Variants in RBFOX1 observed in about 807,000 individuals in gnomAD.
The protein encoded by RBFOX1 is RNA binding protein fox-1 homolog 1.
RBFOX1 carries 8 observed loss-of-function variants against 57.7 expected under a neutral mutation model. The ratio of observed to expected loss-of-function variants is 0.14; its 90% CI spans 0.08 to 0.25. The LOEUF is 0.25. RBFOX1 is among the 10% of genes least tolerant of loss of function. The probability of loss-of-function intolerance (pLI) is 1.00; values close to 1 mark genes in which losing one functional copy is unlikely to be tolerated. For synonymous variants in RBFOX1, 326 were observed against 222.4 expected, an observed-to-expected ratio of 1.47 and a Z score of -4.15; for missense variants, 611 against 548.5, an observed-to-expected ratio of 1.11 and a Z score of -1.14.
At chr16:5,370,643 C>T (rs979637083) in intron 1 of RBFOX1, among the ~76,000 whole-genome samples, 3 of 152,040 alleles carry the variant, frequency 2.0e-5, no homozygotes, top group Non-Finnish European at 2.9e-5. Context: ...CAGGCACGTG[C>T]TACCACACTC....
chr16:5,321,583 C>T (rs915266169), intron 1 of RBFOX1, among the ~76,000 whole-genome samples: 1 of 152,106 alleles, frequency 6.6e-6, no homozygotes, highest in South Asian at 2.1e-4. Context: ...GCGCAAAGTG[C>T]TGGGATTACA....
chr16:6,857,038 C>T (rs987983388), intron 3 of RBFOX1, among the ~76,000 whole-genome samples: 3 of 152,112 alleles, frequency 2.0e-5, no homozygotes, highest in African/African-American at 4.8e-5. Context: ...TACTGCAAAT[C>T]GTGTTCAACC....
At chr16:7,313,125 C>T (rs1232694865) in intron 4 of RBFOX1, among the ~76,000 whole-genome samples, 1 of 152,194 alleles carries the variant, frequency 6.6e-6, no homozygotes, top group Non-Finnish European at 1.5e-5. Context: ...CGGGCCACTC[C>T]TGGAATTTCT....
chr16:6,748,799 AC>A (rs1373829175), intron 3 of RBFOX1: 3 of 152,150 alleles, frequency 2.0e-5, no homozygotes, highest in African/African-American at 7.2e-5. Flanking sequence ...AATTATCTTT[AC>A]CTTTCATTCT....
At chr16:6,630,894 A>T (rs542061342) in intron 2 of RBFOX1, among the ~76,000 whole-genome samples, 16 of 152,320 alleles carry the variant, frequency 1.1e-4, no homozygotes, top group South Asian at 1.0e-3. Context: ...CAGCTATGAT[A>T]AATGCTGCTT....
At chr16:7,456,981 C>T (rs1598878667) in intron 4 of RBFOX1, among the ~76,000 whole-genome samples, 1 of 152,200 alleles carries the variant, frequency 6.6e-6, no homozygotes, top group Admixed American at 6.5e-5. Flanking sequence ...ACCTCTGCCT[C>T]CTGGATCCAA....
At chr16:6,822,667 T>A (rs1285961353) in intron 3 of RBFOX1, among the ~76,000 whole-genome samples, 1 of 152,178 alleles carries the variant, frequency 6.6e-6, no homozygotes, top group Non-Finnish European at 1.5e-5. Flanking sequence ...GCTAATTCAC[T>A]TTTACACGCT....
At chr16:7,007,382 T>C (rs189183665) in intron 3 of RBFOX1, among the ~76,000 whole-genome samples, 28 of 152,302 alleles carry the variant, frequency 1.8e-4, no homozygotes, top group Middle Eastern at 3.4e-3. Context: ...AGTCTTGTGT[T>C]TTAAAGTGCT....
intron 5 of RBFOX1, among the ~76,000 whole-genome samples, chr16:7,530,147 C>T (rs551633365): frequency 6.6e-6 from 1 of 152,072 alleles, no homozygotes; most frequent in East Asian, 1.9e-4. Flanking sequence ...AGATGACTAT[C>T]TTATCTTCCT....
chr16:7,329,592 GT>G (rs1487523517), intron 4 of RBFOX1, among the ~76,000 whole-genome samples: 1 of 152,202 alleles, frequency 6.6e-6, no homozygotes, highest in Non-Finnish European at 1.5e-5. Flanking sequence ...TTAGTGGAAG[GT>G]TTTGAACGAG....
At chr16:7,528,060 A>G (rs574382139) in intron 5 of RBFOX1, among the ~76,000 whole-genome samples, 1 of 152,344 alleles carries the variant, frequency 6.6e-6, no homozygotes, top group Admixed American at 6.5e-5. Context: ...TCGTGGGCAA[A>G]CAAAGTGAGA....
chr16:7,235,563 G>C (rs1031168060), intron 4 of RBFOX1, among the ~76,000 whole-genome samples: 1 of 152,184 alleles, frequency 6.6e-6, no homozygotes, highest in Non-Finnish European at 1.5e-5. Context: ...GATGTATGTT[G>C]TGATGGAAAG....
chr16:6,039,742 A>G (rs556651219), intron 1 of RBFOX1, among the ~76,000 whole-genome samples: 18 of 152,360 alleles, frequency 1.2e-4, no homozygotes, highest in African/African-American at 4.3e-4. Context: ...CATATTAGTT[A>G]TCTATAGCTG....
chr16:6,936,243 C>T (rs72772295), intron 3 of RBFOX1, among the ~76,000 whole-genome samples: 17,023 of 152,150 alleles, frequency 0.11, 1,173 homozygotes, highest in East Asian at 0.16. Context: ...TTAAGGGATG[C>T]TGGATATTAA....
intron 2 of RBFOX1, among the ~76,000 whole-genome samples, chr16:6,329,671 C>A (rs1357562384): frequency 6.6e-6 from 1 of 152,186 alleles, no homozygotes; most frequent in Non-Finnish European, 1.5e-5. Flanking sequence ...GTGGCCCATG[C>A]CTGTAATCCC....
chr16:6,087,968 T>C (rs1396020495), intron 1 of RBFOX1, among the ~76,000 whole-genome samples: 1 of 152,190 alleles, frequency 6.6e-6, no homozygotes, highest in East Asian at 1.9e-4. Context: ...ATTTCTTGTA[T>C]AAAAACTCCT....
intron 3 of RBFOX1, among the ~76,000 whole-genome samples, chr16:7,009,552 A>T (rs573709936): frequency 2.0e-5 from 3 of 152,134 alleles, no homozygotes; most frequent in Admixed American, 6.5e-5. Context: ...GATGCGATCA[A>T]TGATAGGAAT....
In RBFOX1 at chr16:6,104,788, C is replaced by G. The variant is rs76758932; in HGVS notation, c.-127+84796C>G. 9.1e-3 allele frequency among the ~76,000 whole-genome samples: 1,391 copies of G among 152,164 alleles called. 26 individuals are homozygous for G. Among genetic ancestry groups the G allele is most frequent in the African/African-American group, 0.032 (1,318 of 41,504 alleles). ...TAGAAGCTACACCACATAGATGAAC[C>G]TCGGAAAACATTATGCACATATTAT... is the stretch of plus-strand genomic sequence containing the variant. On this transcript the variant is annotated intron_variant, in intron 1 of 15. Transcript: ENST00000550418.
At chr16:7,593,436 A>C (rs747949913) in intron 7 of RBFOX1, among the ~76,000 whole-genome samples, 10 of 152,156 alleles carry the variant, frequency 6.6e-5, no homozygotes, top group Non-Finnish European at 1.0e-4. Flanking sequence ...TGCATACCCA[A>C]TATGGGCATA....
Sources: gnomAD v4.1 joint callset for allele counts (sites outside exome capture counted in the v4.1 genomes callset) on GRCh38, gnomAD v4.1.1 for gene constraint, MANE v1.5 for transcripts, NCBI Gene and HGNC (gene_info 2026-07-23, HGNC 2026-07-21) for gene names.